The following HCN1 variants were observed in gnomAD, a reference collection of about 807,000 sequenced individuals.
The protein encoded by HCN1 is hyperpolarization activated cyclic nucleotide gated potassium channel 1.
A neutral mutation model predicts 78.9 loss-of-function variants in HCN1; 13 were observed. The ratio of observed to expected loss-of-function variants is 0.16; its 90% CI spans 0.11 to 0.26. The LOEUF (loss-of-function observed/expected upper bound fraction) is 0.26, where lower values mean the gene tolerates loss of function less well. Among genes scored for constraint, HCN1 ranks in the 10% least tolerant of loss-of-function variants. The pLI is 1.00. For synonymous variants in HCN1, 552 were observed against 455.5 expected (o/e 1.21, Z -2.70); for missense variants, 810 against 1,154.3 (o/e 0.70, Z 4.32).
chr5:45,266,796 C>G (rs1171527814), intron 7 of HCN1, among the ~76,000 whole-genome samples: 1 of 151,820 alleles, frequency 6.6e-6, no homozygotes, highest in Non-Finnish European at 1.5e-5. Context: ...GCAACCTCCA[C>G]CTCCCAGGCT....
chr5:45,649,458 ACTGTTGGTGTACATT>A (rs1481285314), intron 1 of HCN1, among the ~76,000 whole-genome samples: 2 of 152,126 alleles, frequency 1.3e-5, no homozygotes, highest in African/African-American at 4.8e-5. Context: ...ATTAGGATTC[ACTGTTGGTGTACATT>A]CTATGGTTTG....
chr5:45,634,179 T>C (rs1484082113), intron 2 of HCN1, among the ~76,000 whole-genome samples: 3 of 151,970 alleles, frequency 2.0e-5, no homozygotes, highest in Non-Finnish European at 4.4e-5. Flanking sequence ...ATGAACCTTC[T>C]GCTCATACAA....
intron 3 of HCN1, among the ~76,000 whole-genome samples, chr5:45,407,581 G>A (rs185706655): frequency 1.3e-5 from 2 of 152,056 alleles, no homozygotes; most frequent in Non-Finnish European, 2.9e-5. Flanking sequence ...GTGCAGTGGC[G>A]CGATCTTGGC....
chr5:45,340,636 T>A (rs978106702), intron 5 of HCN1, among the ~76,000 whole-genome samples: 2 of 151,884 alleles, frequency 1.3e-5, no homozygotes, highest in East Asian at 1.9e-4. Context: ...AAAAGCAAAA[T>A]ATGTTGATAG....
intron 2 of HCN1, among the ~76,000 whole-genome samples, chr5:45,493,445 A>T (rs899072577): frequency 6.6e-6 from 1 of 152,106 alleles, no homozygotes; most frequent in African/African-American, 2.4e-5. Flanking sequence ...CTTTTACATA[A>T]ATGAATGTTT....
chr5:45,354,309 A>G (rs1442955656), intron 4 of HCN1, among the ~76,000 whole-genome samples: 3 of 152,032 alleles, frequency 2.0e-5, no homozygotes, highest in Admixed American at 2.0e-4. Context: ...ACTGAAAAAA[A>G]AATAATTAGG....
chr5:45,346,469 G>C (rs1274507334), intron 5 of HCN1, among the ~76,000 whole-genome samples: 1 of 152,162 alleles, frequency 6.6e-6, no homozygotes, highest in Non-Finnish European at 1.5e-5. Context: ...ATTTCCATCT[G>C]AGGTACCGGG....
intron 2 of HCN1, among the ~76,000 whole-genome samples, chr5:45,610,445 T>C (rs1041075085): frequency 6.6e-6 from 1 of 151,482 alleles, no homozygotes; most frequent in Non-Finnish European, 1.5e-5. Flanking sequence ...TTCAGTTTTA[T>C]ATATTTCAAG....
At chr5:45,679,449 T>C (rs565831314) in intron 1 of HCN1, among the ~76,000 whole-genome samples, 2 of 152,120 alleles carry the variant, frequency 1.3e-5, no homozygotes, top group East Asian at 3.9e-4. Flanking sequence ...CAGGAAATCG[T>C]CCCCCAGCTA....
intron 5 of HCN1, among the ~76,000 whole-genome samples, chr5:45,312,612 C>T (rs919958239): frequency 2.0e-5 from 3 of 152,200 alleles, no homozygotes; most frequent in African/African-American, 7.2e-5. Flanking sequence ...AATTCCCTTT[C>T]CTAGCCAAGG....
At chr5:45,506,675 C>G (rs1742308123) in intron 2 of HCN1, among the ~76,000 whole-genome samples, 1 of 152,020 alleles carries the variant, frequency 6.6e-6, no homozygotes, top group African/African-American at 2.4e-5. Context: ...TATTTTTATT[C>G]ATGACTAGGA....
intron 4 of HCN1, among the ~76,000 whole-genome samples, chr5:45,392,776 A>C (rs1256000763): frequency 6.6e-6 from 1 of 150,664 alleles, no homozygotes; most frequent in African/African-American, 2.4e-5. Flanking sequence ...ACAGAGCGAG[A>C]CTCCATCTCA....
At chr5:45,611,057 CT>C (rs35729058) in intron 2 of HCN1, among the ~76,000 whole-genome samples, 69,562 of 142,044 alleles carry the variant, frequency 0.49, 17,385 homozygotes, top group African/African-American at 0.65. Context: ...AAATTCTTTT[CT>C]TTTTTTTTTT....
At chr5:45,516,176 G>A (rs144935138) in intron 2 of HCN1, among the ~76,000 whole-genome samples, 115 of 152,020 alleles carry the variant, frequency 7.6e-4, no homozygotes, top group Middle Eastern at 3.4e-3. Flanking sequence ...CCTCAATGGA[G>A]TTGACTTATC....
chr5:45,468,587 T>C (rs1741328274), intron 2 of HCN1, among the ~76,000 whole-genome samples: 1 of 152,102 alleles, frequency 6.6e-6, no homozygotes, highest in Admixed American at 6.6e-5. Flanking sequence ...TATGCATACA[T>C]ATTTTTTGCA....
Position 45,290,488 on chromosome 5 carries a change from A to G in HCN1, c.1618+13111T>C, listed in dbSNP as rs368508715. On this transcript the variant is annotated intron_variant, in intron 6 of 7. Transcript: ENST00000303230. ...TATTACTGAAACACTAAGTCTAATT[A>G]TTTGGTTTACATTTATGACTTCTGT... Among the ~76,000 whole-genome samples the G allele has an allele frequency of 2.2e-4, 34 of 152,216 alleles. 1 individual carries two copies. The highest frequency in any genetic ancestry group is 8.2e-4 in the African/African-American group (34 of 41,568).
chr5:45,638,521 C>T (rs1481283212), intron 2 of HCN1, among the ~76,000 whole-genome samples: 4 of 152,170 alleles, frequency 2.6e-5, no homozygotes, highest in South Asian at 4.1e-4. Flanking sequence ...AGATCTGCCA[C>T]GGGGCGCTGA....
intron 5 of HCN1, among the ~76,000 whole-genome samples, chr5:45,316,860 C>A (rs981361750): frequency 1.3e-5 from 2 of 152,012 alleles, no homozygotes; most frequent in Non-Finnish European, 2.9e-5. Context: ...TTTACAAGGG[C>A]TGTGAAGGAC....
Position 45,262,044 on chromosome 5 carries a change from G to C in HCN1, c.2550C>G (p.Ile850Met). 6.2e-7 allele frequency: 1 copy of C among 1,613,998 alleles called. No homozygotes were observed. Among genetic ancestry groups the C allele is most frequent in the African/African-American group, 1.3e-5 (1 of 75,048 alleles). ...TLFRQMSSGAIPPNRGVPPAP... is the reference protein window; with the variant it reads ...TLFRQMSSGAMPPNRGVPPAP... ...CTGGAGGGACTCCTCGGTTCGGGGG[G>C]ATGGCTCCCGACGACATCTGTCGGA... Residue 850 changes from isoleucine (I) to methionine (M), a missense_variant, in exon 8 of 8, where the codon ATC (isoleucine) becomes ATG (methionine). Around this residue, in one of 6 missense-constraint regions of HCN1, gnomAD observed 398 missense variants for 381.3 expected, o/e 1.04. Coordinates refer to ENST00000303230, the MANE Select transcript of HCN1 (RefSeq NM_021072.4).
Sources: allele counts gnomAD v4.1 joint callset (sites outside exome capture counted in the v4.1 genomes callset), GRCh38; gene constraint gnomAD v4.1.1; regional missense constraint gnomAD v4.1.1; transcripts MANE v1.5; gene names NCBI Gene and HGNC (gene_info 2026-07-23, HGNC 2026-07-21).